Variants in KIF14 observed in about 807,000 individuals in gnomAD.
The protein encoded by KIF14 is kinesin-like protein KIF14.
Under a neutral mutation model 176.2 loss-of-function variants are expected in KIF14, and 98 were observed. The ratio of observed to expected loss-of-function variants is 0.56; its 90% confidence interval spans 0.47 to 0.66. The LOEUF (loss-of-function observed/expected upper bound fraction) is 0.66. KIF14 is among the 30% of genes least tolerant of loss of function. The pLI, the probability that KIF14 is intolerant of heterozygous loss-of-function variation, is 0.00. For synonymous variants in KIF14, 566 were observed against 632.2 expected (o/e 0.90, Z 1.57); for missense variants, 1,751 against 1,920.4 (o/e 0.91, Z 1.65).
chr1:200,613,325 CT>C (rs1048841849), intron 4 of KIF14, among the ~76,000 whole-genome samples: 1 of 152,102 alleles, frequency 6.6e-6, no homozygotes, highest in Non-Finnish European at 1.5e-5. Context: ...CTGGAATATC[CT>C]TCTCCCCTTC....
Position 200,581,306 on chromosome 1 carries a change from C to T in KIF14, c.3242-12G>A. 1 of 1,528,632 alleles carries T rather than the reference C, an allele frequency of 6.5e-7. No homozygotes were observed. The highest frequency in any genetic ancestry group is 8.9e-7 in the Non-Finnish European group (1 of 1,125,630). 94.7% of individuals were successfully genotyped at this position (1,528,632 alleles called of 1,614,324 possible). A position where few individuals can be genotyped will look rare whatever the true frequency, so the allele number is the denominator to read the frequency against. ...CCAAGTTGTCTGCACTAATACAAAGCACACAGAAAAGATTCAAAATACATA... is the reference window on the plus strand; with the variant it reads ...CCAAGTTGTCTGCACTAATACAAAGTACACAGAAAAGATTCAAAATACATA... On this transcript the variant is annotated splice_polypyrimidine_tract_variant and intron_variant, in intron 19 of 29. Transcript: ENST00000367350.
chr1:200,613,531 G>A (rs1394644979), intron 4 of KIF14, among the ~76,000 whole-genome samples: 1 of 152,104 alleles, frequency 6.6e-6, no homozygotes, highest in Non-Finnish European at 1.5e-5. Context: ...TTTGAATACA[G>A]GGACTGGGTC....
chr1:200,596,129 C>A (rs1659326687), intron 14 of KIF14, among the ~76,000 whole-genome samples: 1 of 151,834 alleles, frequency 6.6e-6, no homozygotes, highest in African/African-American at 2.4e-5. Flanking sequence ...TAACAGACAT[C>A]TGCAATCCCA....
At chr1:200,564,030 G>C (rs1046044314) in intron 25 of KIF14, among the ~76,000 whole-genome samples, 1 of 152,092 alleles carries the variant, frequency 6.6e-6, no homozygotes, top group African/African-American at 2.4e-5. Context: ...GGGAAGCTGA[G>C]GGGGGCGGAT....
At chr1:200,614,822 C>T (rs550707820) in intron 3 of KIF14, among the ~76,000 whole-genome samples, 25 of 116,066 alleles carry the variant, frequency 2.2e-4, no homozygotes, top group African/African-American at 7.3e-4. Flanking sequence ...AAAAAAAGAA[C>T]TCAAATGTTA....
At position 200,587,524 on chromosome 1, in the gene KIF14, T is replaced by C. The variant is rs75150720; in HGVS notation, c.3115-1297A>G. The stretch of plus-strand genomic sequence containing the variant: ...AGCATTATAAGCCCAATAATAATAA[T>C]TGTTTTGGGGCCGGGTGCGGTGGCT... On this transcript the variant is annotated intron_variant, in intron 18 of 29. Transcript: ENST00000367350. Among the ~76,000 whole-genome samples, 181 of 152,132 alleles carry C rather than the reference T, an allele frequency of 1.2e-3. 4 individuals are homozygous for C. In the East Asian group the frequency reaches 0.028, roughly 23 times the overall value.
intron 19 of KIF14, among the ~76,000 whole-genome samples, chr1:200,585,402 AG>A (rs1053461128): frequency 4.6e-5 from 7 of 152,196 alleles, no homozygotes; most frequent in African/African-American, 1.4e-4. Context: ...AAATCTCTTA[AG>A]AAAAAAATGT....
intron 5 of KIF14, among the ~76,000 whole-genome samples, 192 bp downstream of exon 5, chr1:200,608,638 C>G (rs769016001): frequency 1.3e-5 from 2 of 152,188 alleles, no homozygotes; most frequent in Non-Finnish European, 2.9e-5. Context: ...GCTGGGATTA[C>G]AGGAGTGAGC....
At position 200,617,847 on chromosome 1, in the gene KIF14, G is replaced by A. The variant is rs759960022; in HGVS notation, c.877C>T (p.Leu293=). The A allele has an allele frequency of 3.9e-5, 63 of 1,614,058 alleles. No individual in the cohort carries two copies. The highest frequency in any genetic ancestry group is 5.3e-5 in the Non-Finnish European group (62 of 1,180,034). ...TEHKLTTKCS[L]PQLKSPAPSI... ...GGAGCTGGGCTCTTAAGCTGAGGCA[G>A]GCTGCACTTTGTTGTCAGTTTGTGT... The change falls in exon 2 of 30, where the codon CTG becomes TTG. Residue 293 remains leucine, a synonymous_variant. Coordinates refer to ENST00000367350, the MANE Select transcript of KIF14 (RefSeq NM_014875.3).
intron 23 of KIF14, among the ~76,000 whole-genome samples, chr1:200,566,350 T>C (rs1170391121): frequency 6.6e-6 from 1 of 151,464 alleles, no homozygotes; most frequent in Non-Finnish European, 1.5e-5. Flanking sequence ...CCCAGCACTT[T>C]GGGAGGCCGA....
At chr1:200,611,854 C>G (rs933830193) in intron 4 of KIF14, among the ~76,000 whole-genome samples, 1 of 152,170 alleles carries the variant, frequency 6.6e-6, no homozygotes, top group Non-Finnish European at 1.5e-5. Flanking sequence ...TCACAACAAA[C>G]CTATGAGAAA....
intron 13 of KIF14, among the ~76,000 whole-genome samples, chr1:200,599,541 C>A (rs754266030): frequency 6.6e-6 from 1 of 152,208 alleles, no homozygotes; most frequent in Non-Finnish European, 1.5e-5. Context: ...AGTACTCCCC[C>A]ACTACCAATC....
At chr1:200,600,285 C>G (rs1174008002) in intron 12 of KIF14, 71 bp downstream of exon 12, 7 of 1,484,718 alleles carry the variant, frequency 4.7e-6, no homozygotes, top group Non-Finnish European at 6.6e-6. Flanking sequence ...TCAGTATCCT[C>G]TTGAGGTCCC....
chr1:200,570,419 G>A (rs907271547), intron 22 of KIF14, among the ~76,000 whole-genome samples: 5 of 152,210 alleles, frequency 3.3e-5, no homozygotes, highest in African/African-American at 1.2e-4. Context: ...AGTCAGGGGG[G>A]CCTCCTTGGA....
At chr1:200,567,046 C>T (rs556437831) in intron 23 of KIF14, among the ~76,000 whole-genome samples, 75 of 151,486 alleles carry the variant, frequency 5.0e-4, no homozygotes, top group Admixed American at 1.4e-3. Context: ...TGGTGGTGGG[C>T]GCCTGTAATT....
chr1:200,615,413 C>T lies in KIF14; in HGVS notation c.1309G>A (p.Glu437Lys), dbSNP rs769650985. The T allele has an allele frequency of 4.3e-6, 7 of 1,614,064 alleles. No individual in the cohort carries two copies. In the South Asian group the frequency reaches 4.4e-5, roughly 10 times the overall value. ...LAAPLLERAF[E>K]GFNTCLFAYG... ...GCAAAAAGACAGGTATTGAAGCCTT[C>T]GAAGGCTCTTTCTAGGAGTGGTGCT... Residue 437 changes from glutamate (E) to lysine (K), a missense_variant, in exon 3 of 30, where the codon GAA becomes AAA. Transcript: ENST00000367350.
chr1:200,581,759 TC>T (rs759093779), intron 19 of KIF14, among the ~76,000 whole-genome samples: 13,326 of 135,966 alleles, frequency 0.098, 883 homozygotes, highest in East Asian at 0.33. Context: ...AATTTCACTT[TC>T]CTTTTTTTTT....
In KIF14 at chr1:200,606,666, A is replaced by G. The variant is rs2794410; in HGVS notation, c.1607+80T>C. The G allele has an allele frequency of 0.33, 411,795 of 1,233,608 alleles. 71,262 individuals are homozygous for G. Among genetic ancestry groups the G allele is most frequent in the African/African-American group, 0.35 (23,678 of 67,314 alleles). 76.4% of individuals were successfully genotyped at this position (1,233,608 alleles called of 1,614,324 possible). On this transcript the variant is annotated intron_variant, in intron 6 of 29. Coordinates refer to ENST00000367350, the MANE Select transcript of KIF14 (RefSeq NM_014875.3). ...CAAAGTTAGGAAGGCCAATGAGAAT[A>G]CAATAAAGATTATGGGAGAGTAACA... is the stretch of plus-strand genomic sequence containing the variant.
chr1:200,569,516 GT>G, intron 23 of KIF14, among the ~76,000 whole-genome samples: 1 of 152,222 alleles, frequency 6.6e-6, no homozygotes, highest in South Asian at 2.1e-4. Context: ...GCACTTTGGG[GT>G]TTCGGTGTAG....
Sources: allele counts gnomAD v4.1 joint callset (sites outside exome capture counted in the v4.1 genomes callset), GRCh38; gene constraint gnomAD v4.1.1; transcripts MANE v1.5; gene names NCBI Gene and HGNC (gene_info 2026-07-23, HGNC 2026-07-21).